CNKSR2: variants seen among roughly 807,000 people sequenced by gnomAD.
CNKSR2 encodes CNK homolog protein 2.
In CNKSR2, 14 loss-of-function variants were observed where a neutral mutation model predicts 84.4. The ratio of observed to expected loss-of-function variants is 0.17; its 90% CI spans 0.11 to 0.26. The LOEUF is 0.26. Ranked by LOEUF, CNKSR2 falls within the 10% of genes least tolerant of loss-of-function variation. CNKSR2 has a pLI of 1.00. For synonymous variants in CNKSR2, 275 were observed against 277.9 expected (o/e 0.99, Z 0.10); for missense variants, 485 against 771.2 (o/e 0.63, Z 4.40).
In CNKSR2 at chrX:21,591,163, A is replaced by G. The variant is rs769847684; in HGVS notation, c.1799A>G (p.Asp600Gly). The G allele has an allele frequency of 1.1e-5, 13 of 1,201,487 alleles. No homozygotes were observed. Among genetic ancestry groups the G allele is most frequent in the Non-Finnish European group, 1.1e-6 (1 of 889,965 alleles). The change falls in exon 15 of 22, where the codon GAT becomes GGT. Residue 600 changes from aspartate (D) to glycine (G), a missense_variant. Asp to Gly is a moderately conservative substitution (Grantham distance 94). Transcript: ENST00000379510. Reference sequence around the variant, plus strand: ...AAAAAATATTGGTTTGTCCTAAAGGATGCATCCCTTTATTGGTATATTAAT... The same window carrying G: ...AAAAAATATTGGTTTGTCCTAAAGGGTGCATCCCTTTATTGGTATATTAAT... ...KWKKYWFVLK[D>G]ASLYWYINEE...
At chrX:21,514,192 C>T (rs181634273) in intron 8 of CNKSR2, among the ~76,000 whole-genome samples, 59 of 111,712 alleles carry the variant, frequency 5.3e-4, no homozygotes, top group Admixed American at 3.9e-3. Context: ...TTGATTTAAA[C>T]AATACTGTGA....
chrX:21,540,631 T>G (rs1049335135), intron 11 of CNKSR2, among the ~76,000 whole-genome samples: 5 of 112,247 alleles, frequency 4.5e-5, no homozygotes, highest in Non-Finnish European at 9.4e-5. Context: ...AAATGCACTA[T>G]GTAAGTCTTT....
rs150547482 is a variant in CNKSR2, at chrX:21,479,425, T to C, written c.561+8618T>C. 1.1e-4 allele frequency among the ~76,000 whole-genome samples: 12 copies of C among 111,753 alleles called. No homozygotes were observed. In the East Asian group the frequency reaches 2.5e-3, roughly 24 times the overall value. ...TAATATTTGTTTTCCTTTGGGTAGA[T>C]ACCCAGTAGTGAGATAGCTGGATCA... On this transcript the variant is annotated intron_variant, in intron 5 of 21. Transcript: ENST00000379510.
intron 3 of CNKSR2, among the ~76,000 whole-genome samples, chrX:21,437,877 T>C (rs1316105901): frequency 9.0e-6 from 1 of 111,546 alleles, no homozygotes; most frequent in Admixed American, 9.5e-5. Context: ...TCAGGATGGA[T>C]TTTTAACAGT....
At chrX:21,401,837 C>G (rs1367327002) in intron 1 of CNKSR2, among the ~76,000 whole-genome samples, 1 of 111,679 alleles carries the variant, frequency 9.0e-6, no homozygotes, top group African/African-American at 3.2e-5. Flanking sequence ...AGTAACCATT[C>G]ATGCTGTGCC....
At chrX:21,506,940 G>A (rs2091618566) in intron 8 of CNKSR2, 1 of 108,315 alleles carries the variant, frequency 9.2e-6, no homozygotes, top group African/African-American at 3.3e-5. Context: ...CTTATTAAGT[G>A]TATGGCTCAT....
intron 20 of CNKSR2, among the ~76,000 whole-genome samples, chrX:21,641,331 G>GGT (rs1426534735): frequency 9.0e-6 from 1 of 111,643 alleles, no homozygotes; most frequent in African/African-American, 3.3e-5. Flanking sequence ...TAAAGCAAAA[G>GGT]GTGTCCCATT....
intron 4 of CNKSR2, among the ~76,000 whole-genome samples, chrX:21,452,252 G>A (rs1023886393): frequency 9.9e-5 from 11 of 110,627 alleles, no homozygotes; most frequent in Middle Eastern, 4.2e-3. Context: ...CACCATGCTC[G>A]GCTAATTTTT....
chrX:21,409,363 A>G (rs1334419980), intron 1 of CNKSR2, among the ~76,000 whole-genome samples: 1 of 101,638 alleles, frequency 9.8e-6, no homozygotes, highest in African/African-American at 3.6e-5. Flanking sequence ...ATGCATCTGC[A>G]GAAGTTTTTG....
intron 10 of CNKSR2, among the ~76,000 whole-genome samples, chrX:21,529,679 AAC>A (rs773488531): frequency 9.1e-6 from 1 of 109,763 alleles, no homozygotes; most frequent in South Asian, 3.8e-4. Context: ...TATATACATT[AAC>A]ACACACACAC....
chrX:21,432,752 C>T lies in CNKSR2; in HGVS notation c.369C>T (p.Asp123=). The change falls in exon 3 of 22, where the codon GAC becomes GAT. Residue 123 remains aspartate (D), a synonymous_variant. Transcript: ENST00000379510. ...DGRTSRKLPN[D]FLTSVVDLIG... is the part of the protein sequence containing the mutation. Reference sequence around the variant, plus strand: ...GGACCAGCCGAAAATTGCCAAACGACTTTCTGACCTCAGTTGTGGATCTGA... The same window carrying T: ...GGACCAGCCGAAAATTGCCAAACGATTTTCTGACCTCAGTTGTGGATCTGA... The T allele has an allele frequency of 8.3e-7, 1 of 1,210,822 alleles. No individual in the cohort carries two copies.
Position 21,520,644 on chromosome X carries a change from A to G in CNKSR2, c.957+4013A>G, listed in dbSNP as rs184136339. Among the ~76,000 whole-genome samples the G allele has an allele frequency of 3.4e-3, 378 of 109,668 alleles. 2 individuals carry two copies. Among genetic ancestry groups the G allele is most frequent in the Non-Finnish European group, 4.8e-3 (248 of 52,141 alleles). On this transcript the variant is annotated intron_variant, in intron 9 of 21. Transcript: ENST00000379510. Reference sequence around the variant, plus strand: ...GACACTGCCAAGAATGTTCCTTGGAATCATCACTGGGAATCAATGACTTTT... The same window carrying G: ...GACACTGCCAAGAATGTTCCTTGGAGTCATCACTGGGAATCAATGACTTTT...
At chrX:21,488,460 G>A (rs2091408384) in intron 5 of CNKSR2, among the ~76,000 whole-genome samples, 1 of 111,707 alleles carries the variant, frequency 9.0e-6, no homozygotes, top group Admixed American at 9.5e-5. Flanking sequence ...TGGCAGTGTG[G>A]TGATTGCCCA....
chrX:21,395,081 G>C (rs913605752), intron 1 of CNKSR2, among the ~76,000 whole-genome samples: 1 of 111,713 alleles, frequency 9.0e-6, no homozygotes, highest in Non-Finnish European at 1.9e-5. Context: ...TTGTTTGAAA[G>C]TGTACTTTCC....
At chrX:21,586,051 C>G (rs2092385691) in intron 13 of CNKSR2, among the ~76,000 whole-genome samples, 1 of 110,935 alleles carries the variant, frequency 9.0e-6, no homozygotes, top group Admixed American at 9.6e-5. Flanking sequence ...AAAATGAAAT[C>G]TAATCTCCAG....
chrX:21,631,030 T>A (rs116833582), intron 20 of CNKSR2, among the ~76,000 whole-genome samples: 4,558 of 108,440 alleles, frequency 0.042, 234 homozygotes, highest in African/African-American at 0.14. Context: ...GATTTTTTTT[T>A]AAAAAAAAAG....
intron 8 of CNKSR2, chrX:21,505,923 ATTTTC>A (rs1024928795): frequency 9.2e-6 from 1 of 109,139 alleles, no homozygotes; most frequent in Non-Finnish European, 1.9e-5. Flanking sequence ...TTCTAATTCC[ATTTTC>A]TTTTCTTTAT....
At chrX:21,394,741 G>A (rs1206217844) in intron 1 of CNKSR2, among the ~76,000 whole-genome samples, 2 of 111,592 alleles carry the variant, frequency 1.8e-5, no homozygotes, top group African/African-American at 6.5e-5. Context: ...CTTGTCAGAA[G>A]ATTGGAATGT....
intron 10 of CNKSR2, among the ~76,000 whole-genome samples, chrX:21,530,210 G>A (rs1030860100): frequency 1.5e-4 from 17 of 111,116 alleles, no homozygotes; most frequent in African/African-American, 5.5e-4. Flanking sequence ...GTTCTATTGT[G>A]GTAATAAGCA....
Sources: allele counts gnomAD v4.1 joint callset (sites outside exome capture counted in the v4.1 genomes callset), GRCh38; gene constraint gnomAD v4.1.1; transcripts MANE v1.5; gene names NCBI Gene and HGNC (gene_info 2026-07-23, HGNC 2026-07-21).